Variants in USP6NL observed in about 807,000 individuals in gnomAD.
USP6NL encodes the protein USP6 N-terminal like, also known as USP6 N-terminal-like protein.
A neutral mutation model predicts 61.9 loss-of-function variants in USP6NL; 26 were observed. The ratio of observed to expected loss-of-function variants is 0.42; its 90% CI spans 0.31 to 0.58. The LOEUF (loss-of-function observed/expected upper bound fraction) is 0.58, where lower values mean the gene tolerates loss of function less well. Among genes scored for constraint, USP6NL ranks in the 20% least tolerant of loss-of-function variants. The pLI, the probability that USP6NL is intolerant of heterozygous loss-of-function variation, is 0.16. For synonymous variants in USP6NL, 432 were observed against 390.1 expected (o/e 1.11, Z -1.27); for missense variants, 1,114 against 1,034.3 (o/e 1.08, Z -1.06).
At chr10:11,523,448 G>A (rs1280362211) in intron 4 of USP6NL, among the ~76,000 whole-genome samples, 1 of 152,120 alleles carries the variant, frequency 6.6e-6, no homozygotes, top group East Asian at 1.9e-4. Flanking sequence ...TTTCAGATTT[G>A]TGAATGTAGT....
chr10:11,515,491 A>G (rs184795801), intron 5 of USP6NL, among the ~76,000 whole-genome samples: 1 of 152,330 alleles, frequency 6.6e-6, no homozygotes, highest in Non-Finnish European at 1.5e-5. Flanking sequence ...TTCACAGGTG[A>G]TAACCTAAGA....
At chr10:11,472,568 T>C (rs941407415) in intron 14 of USP6NL, among the ~76,000 whole-genome samples, 3 of 152,260 alleles carry the variant, frequency 2.0e-5, no homozygotes, top group Non-Finnish European at 4.4e-5. Flanking sequence ...AATTCTACTA[T>C]TCTAGGAAAG....
At chr10:11,610,702 A>G (rs1838860491) in intron 1 of USP6NL, among the ~76,000 whole-genome samples, 1 of 151,874 alleles carries the variant, frequency 6.6e-6, no homozygotes, top group Admixed American at 6.6e-5. Context: ...CCCAGTCCAA[A>G]GAAGGCATGC....
In USP6NL at chr10:11,495,406, C is replaced by T. The variant is rs771632875; in HGVS notation, c.385-2178G>A. ...AGCTCGTGTCCTCGGTCTCTTGCCTCAGCACCTGGATGGCTTGCCGCCCAC... is the reference window on the plus strand; with the variant it reads ...AGCTCGTGTCCTCGGTCTCTTGCCTTAGCACCTGGATGGCTTGCCGCCCAC... On this transcript the variant is annotated intron_variant, in intron 7 of 14. Coordinates refer to ENST00000609104, the MANE Select transcript of USP6NL (RefSeq NM_014688.5). This position sits in a 1 kb window ranked among gnomAD's most constrained non-coding sequence, Gnocchi z 4.6. 2.1e-4 allele frequency among the ~76,000 whole-genome samples: 32 copies of T among 152,182 alleles called. No homozygotes were observed. The highest frequency in any genetic ancestry group is 3.2e-4 in the Non-Finnish European group (22 of 68,018).
intron 10 of USP6NL, among the ~76,000 whole-genome samples, chr10:11,486,717 C>T (rs1833485916): frequency 1.3e-5 from 2 of 152,178 alleles, no homozygotes; most frequent in South Asian, 2.1e-4. Context: ...CCAGAGGACA[C>T]ATTTACATCC....
At position 11,589,999 on chromosome 10, in the gene USP6NL, C is replaced by G. The variant is rs1838109025; in HGVS notation, c.4+7632G>C. Reference sequence around the variant, plus strand: ...TCTCTGAACATGAATAAGAATAACCCATAGGAGAAGTTTTCATTTTCACCT... The same window carrying G: ...TCTCTGAACATGAATAAGAATAACCGATAGGAGAAGTTTTCATTTTCACCT... On this transcript the variant is annotated intron_variant, in intron 2 of 14. Transcript: ENST00000609104. The surrounding 1 kb of genome is among the most constrained non-coding windows in gnomAD (Gnocchi z 4.7). Among the ~76,000 whole-genome samples the G allele has an allele frequency of 6.6e-6, 1 of 152,140 alleles. No individual in the cohort carries two copies. Among genetic ancestry groups the G allele is most frequent in the Non-Finnish European group, 1.5e-5 (1 of 68,026 alleles).
intron 14 of USP6NL, among the ~76,000 whole-genome samples, chr10:11,471,724 G>A (rs1832758615): frequency 1.3e-5 from 2 of 150,416 alleles, no homozygotes. Context: ...ACTATTGCAA[G>A]GACAAAATAC....
rs753953342 is a variant in USP6NL, at chr10:11,485,772, T to TG, written c.759+44dup. On this transcript the variant is annotated intron_variant, in intron 11 of 14. Coordinates refer to ENST00000609104, the MANE Select transcript of USP6NL (RefSeq NM_014688.5). This position sits in a 1 kb window ranked among gnomAD's most constrained non-coding sequence, Gnocchi z 4.8. ...ACAATTTAATTATCCCAGCTTTTTT[T>TG]GGGGGGTGGGTAGGTGGGTGTAAGT... is the stretch of plus-strand genomic sequence containing the variant. The TG allele has an allele frequency of 4.6e-6, 6 of 1,292,898 alleles. No individual in the cohort carries two copies. Among genetic ancestry groups the TG allele is most frequent in the Middle Eastern group, 3.6e-4 (2 of 5,542 alleles). 80.1% of individuals were successfully genotyped at this position (1,292,898 alleles called of 1,614,324 possible). A position where few individuals can be genotyped will look rare whatever the true frequency, so the allele number is the denominator to read the frequency against.
rs1044618453 is a variant in USP6NL, at chr10:11,510,585, C to T, written c.196-910G>A. 6.6e-6 allele frequency among the ~76,000 whole-genome samples: 1 copy of T among 152,152 alleles called. No homozygotes were observed. The highest frequency in any genetic ancestry group is 2.1e-4 in the South Asian group (1 of 4,826). On this transcript the variant is annotated intron_variant, in intron 5 of 14. Transcript: ENST00000609104. The surrounding 1 kb of genome is among the most constrained non-coding windows in gnomAD (Gnocchi z 4.8). ...TGAGACGGAAAATGCTCGCTCTTCA[C>T]TTGTTTGGTTTCCAGGAGAAGGAAT...
rs1396598615 is a variant in USP6NL at position 11,461,562 on chromosome 10, G to T, written c.*879C>A. 6.6e-5 allele frequency: 10 copies of T among 152,216 alleles called. No homozygotes were observed. The highest frequency in any genetic ancestry group is 6.5e-4 in the Admixed American group (10 of 15,286). 9.4% of individuals were successfully genotyped at this position (152,216 alleles called of 1,614,324 possible). On this transcript the variant is annotated 3_prime_UTR_variant, in exon 15 of 15. Transcript: ENST00000609104. Reference sequence around the variant, plus strand: ...TGGCTGCCCCACATGAGTACTGTGAGCACTGAGGGATCAGTAAGCTGCAAC... The same window carrying T: ...TGGCTGCCCCACATGAGTACTGTGATCACTGAGGGATCAGTAAGCTGCAAC...
chr10:11,593,686 C>T (rs1431334889), intron 2 of USP6NL, among the ~76,000 whole-genome samples: 4 of 152,162 alleles, frequency 2.6e-5, no homozygotes, highest in African/African-American at 4.8e-5. Context: ...AGCCTCAGAA[C>T]GTGATAGCCT....
chr10:11,506,256 G>C (rs1834427766), intron 6 of USP6NL, among the ~76,000 whole-genome samples: 1 of 152,214 alleles, frequency 6.6e-6, no homozygotes, highest in Non-Finnish European at 1.5e-5. Context: ...AAGGCACTTT[G>C]CTGTGACATA....
intron 2 of USP6NL, among the ~76,000 whole-genome samples, chr10:11,541,643 A>G (rs1836072494): frequency 1.3e-5 from 2 of 152,172 alleles, no homozygotes; most frequent in Non-Finnish European, 2.9e-5. Flanking sequence ...AAGTCAATAG[A>G]AAGCCGTAAG....
chr10:11,600,717 C>T lies in USP6NL; in HGVS notation c.-83-3000G>A, dbSNP rs1307977271. Among the ~76,000 whole-genome samples, 3 of 152,262 alleles carry T rather than the reference C, an allele frequency of 2.0e-5. No individual in the cohort carries two copies. Among genetic ancestry groups the T allele is most frequent in the Non-Finnish European group, 2.9e-5 (2 of 68,012 alleles). ...GGGCACGGTGGCTCACGCCTGTAAT[C>T]CCAGCACTTTGGGAGGCCGAGGCGG... On this transcript the variant is annotated intron_variant, in intron 1 of 14. Coordinates refer to ENST00000609104, the MANE Select transcript of USP6NL (RefSeq NM_014688.5). The surrounding 1 kb of genome is among the most constrained non-coding windows in gnomAD (Gnocchi z 4.1).
In USP6NL at chr10:11,587,177, G is replaced by A. The variant is rs1247221074; in HGVS notation, c.4+10454C>T. On this transcript the variant is annotated intron_variant, in intron 2 of 14. Coordinates refer to ENST00000609104, the MANE Select transcript of USP6NL (RefSeq NM_014688.5). The surrounding 1 kb of genome is among the most constrained non-coding windows in gnomAD (Gnocchi z 4.5). ...ACCACAGAAACAGTACATATGTAGG[G>A]GCTCATTAAGTATCTGTTTATACTA... Among the ~76,000 whole-genome samples the A allele has an allele frequency of 1.3e-5, 2 of 151,800 alleles. No individual in the cohort carries two copies. Among genetic ancestry groups the A allele is most frequent in the Admixed American group, 1.3e-4 (2 of 15,248 alleles).
At position 11,495,072 on chromosome 10, in the gene USP6NL, C is replaced by T. The variant is rs529392170; in HGVS notation, c.385-1844G>A. 2.0e-5 allele frequency among the ~76,000 whole-genome samples: 3 copies of T among 152,300 alleles called. No homozygotes were observed. The highest frequency in any genetic ancestry group is 3.4e-3 in the Middle Eastern group (1 of 294). On this transcript the variant is annotated intron_variant, in intron 7 of 14. Coordinates refer to ENST00000609104, the MANE Select transcript of USP6NL (RefSeq NM_014688.5). This position sits in a 1 kb window ranked among gnomAD's most constrained non-coding sequence, Gnocchi z 4.6. The stretch of plus-strand genomic sequence containing the variant: ...CTTACGCTACTGCTAGACCTCGGTC[C>T]GCCTGGCAACGGGCGTCTTCCCAGA...
chr10:11,584,051 G>A (rs1164678533), intron 2 of USP6NL, among the ~76,000 whole-genome samples: 1 of 151,636 alleles, frequency 6.6e-6, no homozygotes, highest in East Asian at 1.9e-4. Flanking sequence ...GGAAAAAAAG[G>A]CATTTAACAC....
chr10:11,579,904 C>T (rs1388943637), intron 2 of USP6NL, among the ~76,000 whole-genome samples: 5 of 148,484 alleles, frequency 3.4e-5, no homozygotes, highest in African/African-American at 9.9e-5. Flanking sequence ...CATGAATGTG[C>T]GTCCAAATAT....
chr10:11,556,832 G>C (rs976178191), intron 2 of USP6NL, among the ~76,000 whole-genome samples: 1 of 152,174 alleles, frequency 6.6e-6, no homozygotes, highest in African/African-American at 2.4e-5. Context: ...GTAATACATA[G>C]AGAGGTCAGA....
Sources: gnomAD v4.1 joint callset for allele counts (sites outside exome capture counted in the v4.1 genomes callset) on GRCh38, gnomAD v4.1.1 for gene constraint, Gnocchi (gnomAD v3.1) non-coding constraint, MANE v1.5 for transcripts, NCBI Gene and HGNC (gene_info 2026-07-23, HGNC 2026-07-21) for gene names.